Variants in LAPTM5 observed in about 807,000 individuals in gnomAD.
LAPTM5 encodes the protein lysosomal protein transmembrane 5, also known as lysosomal-associated transmembrane protein 5.
Under a neutral mutation model 30.1 loss-of-function variants are expected in LAPTM5, and 11 were observed. The observed-to-expected ratio is 0.37, with a 90% CI of 0.23 to 0.60. The LOEUF is 0.60. LAPTM5 is among the 20% of genes least tolerant of loss of function. The pLI, the probability that LAPTM5 is intolerant of heterozygous loss-of-function variation, is 0.71. For synonymous variants in LAPTM5, 151 were observed against 137.9 expected, an observed-to-expected ratio of 1.10 and a Z score of -0.67; for missense variants, 324 against 332.5, an observed-to-expected ratio of 0.97 and a Z score of 0.20.
In LAPTM5 at chr1:30,748,372, C is replaced by T. The variant is rs77578501; in HGVS notation, c.88-5823G>A. ...CCAGAGCCCTCCCTTGCCCCTCCCC[C>T]TCAGGGCTGCTCCACCCTGACCCTG... On this transcript the variant is annotated intron_variant, in intron 1 of 7. Coordinates refer to ENST00000294507, the MANE Select transcript of LAPTM5 (RefSeq NM_006762.3). Among the ~76,000 whole-genome samples, 50 of 152,234 alleles carry T rather than the reference C, an allele frequency of 3.3e-4. 1 individual carries two copies. Among genetic ancestry groups the T allele is most frequent in the East Asian group, 3.1e-3 (16 of 5,178 alleles).
chr1:30,749,858 G>T (rs550302477), intron 1 of LAPTM5, among the ~76,000 whole-genome samples: 1 of 152,178 alleles, frequency 6.6e-6, no homozygotes, highest in Admixed American at 6.5e-5. Context: ...TGCTGAATAC[G>T]CAGCAGGCCT....
intron 1 of LAPTM5, among the ~76,000 whole-genome samples, chr1:30,744,290 A>G (rs1246911269): frequency 6.6e-6 from 1 of 152,120 alleles, no homozygotes; most frequent in African/African-American, 2.4e-5. Flanking sequence ...CAGCCCTGAG[A>G]GAAAAAAACT....
chr1:30,757,718 G>A lies in LAPTM5; in HGVS notation c.28C>T (p.Gln10Ter). 6.2e-7 allele frequency: 1 copy of A among 1,613,852 alleles called. No individual in the cohort carries two copies. The highest frequency in any genetic ancestry group is 1.1e-5 in the South Asian group (1 of 91,074). Residue 10 changes from glutamine (Q) to a stop codon, truncating the protein, a stop_gained, in exon 1 of 8, where the codon CAG becomes TAG. Coordinates refer to ENST00000294507, the MANE Select transcript of LAPTM5 (RefSeq NM_006762.3). LOFTEE classifies it high-confidence loss of function. MDPRLSTVR[Q>*]TCCCFNVRIA... ...CGGACATTGAAGCAGCAGCAGGTCT[G>A]GCGGACAGTGGACAAGCGGGGGTCC...
rs1437413721 is a variant in LAPTM5, at chr1:30,733,834, C to T, written c.783G>A (p.Glu261=). 2.2e-5 allele frequency: 36 copies of T among 1,605,190 alleles called. No homozygotes were observed. The highest frequency in any genetic ancestry group is 3.1e-5 in the Non-Finnish European group (36 of 1,177,830). ...GGCTGGGGCCTGGCGAGGGTCACACCTCTGAGTATGGGGGTGGTGCTGGGC... is the reference window on the plus strand; with the variant it reads ...GGCTGGGGCCTGGCGAGGGTCACACTTCTGAGTATGGGGGTGGTGCTGGGC... ...EGGPAPPPYS[E]V Residue 261 remains glutamate, a synonymous_variant, in exon 8 of 8, where the codon GAG becomes GAA. Coordinates refer to ENST00000294507, the MANE Select transcript of LAPTM5 (RefSeq NM_006762.3).
intron 1 of LAPTM5, among the ~76,000 whole-genome samples, chr1:30,755,573 T>C (rs1640197786): frequency 6.6e-6 from 1 of 152,126 alleles, no homozygotes; most frequent in African/African-American, 2.4e-5. Flanking sequence ...TCTTCCATGA[T>C]TGCTAGGGCC....
In LAPTM5 at chr1:30,746,907, G is replaced by A. The variant is rs569064660; in HGVS notation, c.88-4358C>T. 6.6e-6 allele frequency among the ~76,000 whole-genome samples: 1 copy of A among 152,330 alleles called. No individual in the cohort carries two copies. The highest frequency in any genetic ancestry group is 2.1e-4 in the South Asian group (1 of 4,828). On this transcript the variant is annotated intron_variant, in intron 1 of 7. Coordinates refer to ENST00000294507, the MANE Select transcript of LAPTM5 (RefSeq NM_006762.3). The surrounding 1 kb of genome is among the most constrained non-coding windows in gnomAD (Gnocchi z 4.0). The stretch of plus-strand genomic sequence containing the variant: ...CACCATAAACAAGCACAATTGGGTG[G>A]TGGTTTTTGCTACCTCTGGGCATTC...
At chr1:30,742,593 GC>G (rs751230201) in intron 1 of LAPTM5, 44 bp from the exon 2 acceptor site, 12 of 1,517,392 alleles carry the variant, frequency 7.9e-6, no homozygotes, top group South Asian at 5.7e-5. Context: ...CTGCATCACG[GC>G]CCCCCGACCA....
intron 2 of LAPTM5, 157 bp from the exon 3 acceptor site, chr1:30,741,873 A>G (rs1242020774): frequency 1.9e-6 from 1 of 533,852 alleles, no homozygotes; most frequent in African/African-American, 1.9e-5. Context: ...TGGAGTGAGT[A>G]CAAAGACAAA....
chr1:30,742,384 C>G (rs939405034), intron 2 of LAPTM5, 72 bp downstream of exon 2: 12 of 1,074,104 alleles, frequency 1.1e-5, no homozygotes, highest in East Asian at 7.4e-5. Context: ...CCAACACTAG[C>G]CTGGCTATCC....
At chr1:30,750,358 A>G (rs1206542206) in intron 1 of LAPTM5, among the ~76,000 whole-genome samples, 1 of 152,170 alleles carries the variant, frequency 6.6e-6, no homozygotes, top group Admixed American at 6.5e-5. Flanking sequence ...ATTGTTGTGC[A>G]TTTATTAGAC....
rs773129175 is a variant in LAPTM5 at position 30,739,492 on chromosome 1, C to T, written c.387+317G>A. Among the ~76,000 whole-genome samples the T allele has an allele frequency of 2.6e-5, 4 of 152,072 alleles. No homozygotes were observed. The highest frequency in any genetic ancestry group is 5.9e-5 in the Non-Finnish European group (4 of 68,014). ...ACTGGGGGCTGGGGGCTAAAAAGCG[C>T]ACATGTCCTTTCCTCAGGTGTCAAT... On this transcript the variant is annotated intron_variant, in intron 4 of 7. Transcript: ENST00000294507. This position sits in a 1 kb window ranked among gnomAD's most constrained non-coding sequence, Gnocchi z 4.2.
intron 1 of LAPTM5, among the ~76,000 whole-genome samples, chr1:30,754,543 C>G (rs950711378): frequency 2.0e-5 from 3 of 151,972 alleles, no homozygotes; most frequent in Non-Finnish European, 1.5e-5. Context: ...CTCTTAAAAA[C>G]AAAAACAAAA....
At chr1:30,757,364 C>G (rs542851085) in intron 1 of LAPTM5, among the ~76,000 whole-genome samples, 51 of 152,342 alleles carry the variant, frequency 3.3e-4, no homozygotes, top group Non-Finnish European at 5.9e-4. Context: ...TGTGCCCCAT[C>G]TCACAGAGGC....
intron 6 of LAPTM5, among the ~76,000 whole-genome samples, 193 bp downstream of exon 6, chr1:30,737,411 A>T (rs1329972420): frequency 1.3e-5 from 2 of 152,172 alleles, no homozygotes; most frequent in Admixed American, 6.5e-5. Flanking sequence ...CACATGCCCT[A>T]AATGGGCTGT....
intron 1 of LAPTM5, among the ~76,000 whole-genome samples, chr1:30,752,309 TA>T (rs1244705210): frequency 1.3e-5 from 2 of 152,212 alleles, no homozygotes; most frequent in Non-Finnish European, 2.9e-5. Flanking sequence ...AATGAGCTGA[TA>T]GGCCGAAGAG....
At chr1:30,757,192 G>C (rs975103094) in intron 1 of LAPTM5, among the ~76,000 whole-genome samples, 5 of 152,218 alleles carry the variant, frequency 3.3e-5, no homozygotes, top group Non-Finnish European at 5.9e-5. Flanking sequence ...GAGTGGCCCA[G>C]GCTCCCTCCA....
At chr1:30,750,450 G>A (rs550526676) in intron 1 of LAPTM5, among the ~76,000 whole-genome samples, 17 of 152,166 alleles carry the variant, frequency 1.1e-4, no homozygotes, top group South Asian at 2.1e-4. Context: ...TGCAATCCAC[G>A]ATGTGGAACC....
intron 2 of LAPTM5, 148 bp from the exon 3 acceptor site, chr1:30,741,864 G>A: frequency 1.8e-6 from 1 of 552,002 alleles, no homozygotes; most frequent in Non-Finnish European, 3.2e-6. Flanking sequence ...TCCTGAGTCT[G>A]GAGTGAGTAC....
chr1:30,753,362 A>G (rs1221693554), intron 1 of LAPTM5, among the ~76,000 whole-genome samples: 2 of 152,144 alleles, frequency 1.3e-5, no homozygotes, highest in Non-Finnish European at 2.9e-5. Flanking sequence ...AACATACAGC[A>G]TGGAAAGGAG....
Sources: allele counts gnomAD v4.1 joint callset (sites outside exome capture counted in the v4.1 genomes callset), GRCh38; gene constraint gnomAD v4.1.1; non-coding constraint Gnocchi (gnomAD v3.1); transcripts MANE v1.5; gene names NCBI Gene and HGNC (gene_info 2026-07-23, HGNC 2026-07-21).